The following PLB1 variants were observed in gnomAD, a reference collection of about 807,000 sequenced individuals.
PLB1 encodes phospholipase B1, membrane-associated.
PLB1 carries 242 observed loss-of-function variants against 227.4 expected under a neutral mutation model. That is an observed-to-expected ratio of 1.06 (90% CI 0.96 to 1.18). The LOEUF is 1.18. Among genes scored for constraint, PLB1 ranks in the 50% most tolerant of loss-of-function variants. The pLI, the probability that PLB1 is intolerant of heterozygous loss-of-function variation, is 0.00. For synonymous variants in PLB1, 757 were observed against 682.2 expected, an observed-to-expected ratio of 1.11 and a Z score of -1.71; for missense variants, 1,858 against 1,816.3, an observed-to-expected ratio of 1.02 and a Z score of -0.42.
At chr2:28,515,967 T>C (rs1437846113) in intron 1 of PLB1, among the ~76,000 whole-genome samples, 1 of 152,202 alleles carries the variant, frequency 6.6e-6, no homozygotes, top group Non-Finnish European at 1.5e-5. Context: ...TATAACTGAA[T>C]AAAACATGTG....
intron 19 of PLB1, among the ~76,000 whole-genome samples, chr2:28,565,997 C>A (rs147479167): frequency 1.8e-4 from 28 of 152,262 alleles, no homozygotes; most frequent in African/African-American, 6.7e-4. Flanking sequence ...TGCTTCCTGG[C>A]CCCCACCAGT....
chr2:28,569,794 G>A lies in PLB1; in HGVS notation c.1324+2955G>A, dbSNP rs766321292. 8.6e-5 allele frequency among the ~76,000 whole-genome samples: 13 copies of A among 151,736 alleles called. No homozygotes were observed. In the Middle Eastern group the frequency reaches 0.01, roughly 120 times the overall value. On this transcript the variant is annotated intron_variant, in intron 20 of 57. Coordinates refer to ENST00000327757, the MANE Select transcript of PLB1 (RefSeq NM_153021.5). ...ATCCTAGCTAACACGGTGAAACCCC[G>A]TCTCTACTAAAAATATAAAAAAATA...
At chr2:28,546,029 T>C (rs1673204356) in intron 14 of PLB1, among the ~76,000 whole-genome samples, 1 of 152,010 alleles carries the variant, frequency 6.6e-6, no homozygotes, top group African/African-American at 2.4e-5. Flanking sequence ...AGCCCTAGCA[T>C]AGGTGAGCAT....
intron 20 of PLB1, 75 bp from the exon 21 acceptor site, chr2:28,573,122 C>T: frequency 1.7e-6 from 2 of 1,152,878 alleles, no homozygotes; most frequent in South Asian, 2.6e-5. Context: ...CCCTAACACC[C>T]ACTGGTGCTT....
At chr2:28,531,975 A>G (rs1412149672) in intron 8 of PLB1, 133 bp from the exon 9 acceptor site, 1 of 678,112 alleles carries the variant, frequency 1.5e-6, no homozygotes, top group Non-Finnish European at 2.6e-6. Flanking sequence ...GCCATATACT[A>G]CTATTGAAAA....
chr2:28,546,127 G>T (rs1673225266), intron 14 of PLB1, among the ~76,000 whole-genome samples: 1 of 152,246 alleles, frequency 6.6e-6, no homozygotes, highest in Admixed American at 6.5e-5. Flanking sequence ...TCCTGGCTGA[G>T]TGAGGCCTCC....
chr2:28,581,481 G>GC lies in PLB1; in HGVS notation c.1567-586dup, dbSNP rs1345231123. 6.4e-5 allele frequency among the ~76,000 whole-genome samples: 5 copies of GC among 77,714 alleles called. 1 individual carries two copies. Among genetic ancestry groups the GC allele is most frequent in the African/African-American group, 3.4e-4 (5 of 14,834 alleles). The allele number at this position is 77,714 out of a possible 152,430, so 51.0% of individuals were successfully genotyped here. A position where few individuals can be genotyped will look rare whatever the true frequency, so the allele number is the denominator to read the frequency against. On this transcript the variant is annotated intron_variant, in intron 23 of 57. Coordinates refer to ENST00000327757, the MANE Select transcript of PLB1 (RefSeq NM_153021.5). ...ATATGGAGTAGATCCAGAGCTCCACGCAAAAAAATAAATAAATAAATAAAT... is the reference window on the plus strand; with the variant it reads ...ATATGGAGTAGATCCAGAGCTCCACGCCAAAAAAATAAATAAATAAATAAAT...
chr2:28,604,047 G>A lies in PLB1; in HGVS notation c.2856G>A (p.Arg952=), dbSNP rs867003085. Residue 952 remains arginine (R), a splice_region_variant and synonymous_variant, in exon 40 of 58, where the codon CGG becomes CGA. Coordinates refer to ENST00000327757, the MANE Select transcript of PLB1 (RefSeq NM_153021.5). The part of the protein sequence containing the change: ...ARLEAFSRAY[R]SSMRELVGSG... The stretch of plus-strand genomic sequence containing the variant: ...TGGAGGCCTTCAGCCGAGCCTACCG[G>A]GTAAGACCAAGAAGGGCACCATGCT... 6.2e-7 allele frequency: 1 copy of A among 1,612,728 alleles called. No individual in the cohort carries two copies. Among genetic ancestry groups the A allele is most frequent in the Non-Finnish European group, 8.5e-7 (1 of 1,178,678 alleles).
At chr2:28,528,620 T>C (rs953758634) in intron 6 of PLB1, among the ~76,000 whole-genome samples, 4 of 152,208 alleles carry the variant, frequency 2.6e-5, no homozygotes, top group Non-Finnish European at 5.9e-5. Flanking sequence ...CTCAGTTAGC[T>C]GTGAGACCCT....
chr2:28,592,631 A>G, intron 31 of PLB1, 30 bp from the exon 32 acceptor site: 2 of 1,612,064 alleles, frequency 1.2e-6, no homozygotes, highest in Non-Finnish European at 1.7e-6. Flanking sequence ...TCCCTCCTGC[A>G]GCCCTAAGTG....
intron 18 of PLB1, among the ~76,000 whole-genome samples, chr2:28,563,676 G>A (rs1170439060): frequency 2.0e-5 from 3 of 152,074 alleles, no homozygotes; most frequent in African/African-American, 7.2e-5. Context: ...CCCAGACCCT[G>A]CAAAGCACTA....
At chr2:28,520,594 T>A (rs1461870061) in intron 4 of PLB1, among the ~76,000 whole-genome samples, 3 of 152,146 alleles carry the variant, frequency 2.0e-5, no homozygotes. Flanking sequence ...ACCCATGAAA[T>A]AACATCTCAT....
chr2:28,511,671 G>T (rs960316839), intron 1 of PLB1, among the ~76,000 whole-genome samples: 57 of 152,208 alleles, frequency 3.7e-4, no homozygotes, highest in Non-Finnish European at 4.4e-5. Context: ...TATAGTTGAT[G>T]TGTCTAAGTA....
chr2:28,593,371 C>T (rs919586980), intron 32 of PLB1, among the ~76,000 whole-genome samples: 4 of 152,254 alleles, frequency 2.6e-5, no homozygotes, highest in Non-Finnish European at 5.9e-5. Context: ...TTAACACTCT[C>T]TCACGTTTGT....
At chr2:28,591,840 C>G in intron 31 of PLB1, 80 bp downstream of exon 31, 1 of 1,388,204 alleles carries the variant, frequency 7.2e-7, no homozygotes, top group Non-Finnish European at 1.0e-6. Flanking sequence ...ACCTGACTTT[C>G]ACACTCACTA....
At chr2:28,587,487 G>A (rs1189263579) in intron 26 of PLB1, among the ~76,000 whole-genome samples, 1 of 152,176 alleles carries the variant, frequency 6.6e-6, no homozygotes, top group African/African-American at 2.4e-5. Context: ...GCACATGCCT[G>A]TAGCCTCAGC....
intron 21 of PLB1, among the ~76,000 whole-genome samples, chr2:28,577,768 G>A: frequency 6.6e-6 from 1 of 152,206 alleles, no homozygotes; most frequent in Non-Finnish European, 1.5e-5. Flanking sequence ...TTGAACCCAG[G>A]AGGCAGGGTT....
At chr2:28,497,857 T>A (rs1488133400) in intron 1 of PLB1, among the ~76,000 whole-genome samples, 1 of 151,962 alleles carries the variant, frequency 6.6e-6, no homozygotes, top group African/African-American at 2.4e-5. Flanking sequence ...TAGCTGGGAT[T>A]ACAGGTGCCT....
intron 52 of PLB1, 103 bp downstream of exon 52, chr2:28,628,731 A>C: frequency 2.6e-6 from 3 of 1,133,362 alleles, no homozygotes; most frequent in Non-Finnish European, 4.0e-6. Flanking sequence ...GAGACCCGCC[A>C]TGAGTGAGCA....
Sources: gnomAD v4.1 joint callset for allele counts (sites outside exome capture counted in the v4.1 genomes callset) on GRCh38, gnomAD v4.1.1 for gene constraint, MANE v1.5 for transcripts, NCBI Gene and HGNC (gene_info 2026-07-23, HGNC 2026-07-21) for gene names.